The following CACNB4 variants were observed in gnomAD, a reference collection of about 807,000 sequenced individuals.
The protein encoded by CACNB4 is calcium voltage-gated channel auxiliary subunit beta 4.
In CACNB4, 32 loss-of-function variants were observed where a neutral mutation model predicts 71.2. The ratio of observed to expected loss-of-function variants is 0.45; its 90% CI spans 0.34 to 0.60. CACNB4 has a LOEUF of 0.60. Ranked by LOEUF, CACNB4 falls within the 20% of genes least tolerant of loss-of-function variation. The probability of loss-of-function intolerance (pLI) is 0.01; values close to 1 mark genes in which losing one functional copy is unlikely to be tolerated. For synonymous variants in CACNB4, 231 were observed against 236.9 expected, an observed-to-expected ratio of 0.97 and a Z score of 0.23; for missense variants, 464 against 647.9, an observed-to-expected ratio of 0.72 and a Z score of 3.08.
intron 2 of CACNB4, among the ~76,000 whole-genome samples, chr2:151,888,438 G>A (rs1383998821): frequency 6.6e-6 from 1 of 151,924 alleles, no homozygotes; most frequent in African/African-American, 2.4e-5. Context: ...ATGATAGTGT[G>A]TACTTATAGC....
intron 2 of CACNB4, among the ~76,000 whole-genome samples, chr2:151,993,158 T>G (rs551287865): frequency 2.4e-4 from 37 of 152,076 alleles, no homozygotes; most frequent in African/African-American, 6.7e-4. Context: ...TTTGTTTTTT[T>G]TTTTTTTAAA....
At chr2:151,917,773 T>C (rs2099857898) in intron 2 of CACNB4, among the ~76,000 whole-genome samples, 1 of 141,258 alleles carries the variant, frequency 7.1e-6, no homozygotes. Context: ...GAGGTGGAAG[T>C]GCAGTGAGCT....
intron 2 of CACNB4, among the ~76,000 whole-genome samples, chr2:151,906,146 C>T (rs930639591): frequency 6.6e-5 from 10 of 152,274 alleles, no homozygotes; most frequent in South Asian, 2.1e-4. Flanking sequence ...AGTTGAGGGA[C>T]GCTACATCAA....
At chr2:151,970,445 A>G (rs2099872214) in intron 2 of CACNB4, 1 of 152,248 alleles carries the variant, frequency 6.6e-6, no homozygotes. Flanking sequence ...TGAAAAAATA[A>G]ATCTATTTCC....
At chr2:151,958,636 TAA>T (rs2099868909) in intron 2 of CACNB4, among the ~76,000 whole-genome samples, 1 of 152,180 alleles carries the variant, frequency 6.6e-6, no homozygotes, top group Non-Finnish European at 1.5e-5. Flanking sequence ...ATTTATGACT[TAA>T]ATATTTTTTC....
At chr2:152,073,588 C>G (rs766295169) in intron 2 of CACNB4, among the ~76,000 whole-genome samples, 2 of 152,070 alleles carry the variant, frequency 1.3e-5, no homozygotes, top group Non-Finnish European at 2.9e-5. Context: ...TTTAAATAAA[C>G]AGGTTAAGTA....
At chr2:151,855,749 A>G (rs192055160) in intron 10 of CACNB4, among the ~76,000 whole-genome samples, 18 of 152,360 alleles carry the variant, frequency 1.2e-4, no homozygotes, top group African/African-American at 3.8e-4. Context: ...ATATATGTGC[A>G]AAGCAACATC....
At chr2:151,857,755 C>T (rs993954837) in intron 10 of CACNB4, 1 of 152,198 alleles carries the variant, frequency 6.6e-6, no homozygotes, top group African/African-American at 2.4e-5. Flanking sequence ...GTACAAATAA[C>T]CCTCAAGGCA....
intron 2 of CACNB4, among the ~76,000 whole-genome samples, chr2:151,903,304 T>C (rs754476764): frequency 1.8e-4 from 28 of 151,914 alleles, no homozygotes; most frequent in African/African-American, 6.5e-4. Context: ...ACTGGAGGGC[T>C]GGAGTTCCAG....
chr2:152,053,638 C>G (rs1246227226), intron 2 of CACNB4, among the ~76,000 whole-genome samples: 1 of 151,912 alleles, frequency 6.6e-6, no homozygotes, highest in Non-Finnish European at 1.5e-5. Context: ...ATCCTCCCAC[C>G]TGAACCTCCA....
chr2:151,992,290 T>C (rs558984029), intron 2 of CACNB4, among the ~76,000 whole-genome samples: 2 of 152,348 alleles, frequency 1.3e-5, no homozygotes, highest in South Asian at 4.1e-4. Context: ...GAGTTATGTG[T>C]GGGTATAAGA....
intron 2 of CACNB4, among the ~76,000 whole-genome samples, chr2:152,026,271 C>T (rs1683964495): frequency 6.6e-6 from 1 of 152,234 alleles, no homozygotes; most frequent in Non-Finnish European, 1.5e-5. Context: ...TCCTTCCCTC[C>T]TGAATCTTCA....
chr2:151,942,307 A>G (rs755016492), intron 2 of CACNB4, among the ~76,000 whole-genome samples: 2 of 149,232 alleles, frequency 1.3e-5, no homozygotes, highest in Non-Finnish European at 2.9e-5. Flanking sequence ...TTTAATATGG[A>G]CATTTATCCG....
At chr2:152,075,263 A>G (rs1686946546) in intron 2 of CACNB4, among the ~76,000 whole-genome samples, 1 of 152,240 alleles carries the variant, frequency 6.6e-6, no homozygotes, top group Non-Finnish European at 1.5e-5. Flanking sequence ...ACCTGATGCC[A>G]CAACTGATTC....
At chr2:151,894,835 A>T (rs957813548) in intron 2 of CACNB4, among the ~76,000 whole-genome samples, 1 of 152,116 alleles carries the variant, frequency 6.6e-6, no homozygotes, top group Non-Finnish European at 1.5e-5. Context: ...ATAATAATAA[A>T]ATATCTATGA....
At chr2:152,061,465 C>T (rs1244792232) in intron 2 of CACNB4, among the ~76,000 whole-genome samples, 2 of 152,010 alleles carry the variant, frequency 1.3e-5, no homozygotes, top group Non-Finnish European at 2.9e-5. Context: ...TAATCTATCA[C>T]ATTTTACTTT....
intron 2 of CACNB4, among the ~76,000 whole-genome samples, chr2:151,948,107 C>T (rs550381288): frequency 6.6e-6 from 1 of 152,210 alleles, no homozygotes; most frequent in South Asian, 2.1e-4. Flanking sequence ...GGATTGGTTG[C>T]CTTAAAATCT....
chr2:151,904,225 C>T (rs2099854187), intron 2 of CACNB4, among the ~76,000 whole-genome samples: 1 of 152,170 alleles, frequency 6.6e-6, no homozygotes, highest in Non-Finnish European at 1.5e-5. Context: ...CTGGGAATTC[C>T]TCCAGCTGTC....
At chr2:151,870,201 C>T in intron 8 of CACNB4, 2 of 691,520 alleles carry the variant, frequency 2.9e-6, no homozygotes, top group African/African-American at 1.8e-5. Flanking sequence ...TTCTCTATTA[C>T]TTCTAATAAT....
Sources: allele counts gnomAD v4.1 joint callset (sites outside exome capture counted in the v4.1 genomes callset), GRCh38; gene constraint gnomAD v4.1.1; transcripts MANE v1.5; gene names NCBI Gene and HGNC (gene_info 2026-07-23, HGNC 2026-07-21).